GPM6B: variants seen among roughly 807,000 people sequenced by gnomAD.
The protein encoded by GPM6B is glycoprotein M6B, also known as neuronal membrane glycoprotein M6-b.
A neutral mutation model predicts 27.2 loss-of-function variants in GPM6B; 4 were observed. That is an observed-to-expected ratio of 0.15 (90% CI 0.07 to 0.34). GPM6B has a LOEUF of 0.34. Ranked by LOEUF, GPM6B falls within the 10% of genes least tolerant of loss-of-function variation. GPM6B has a pLI of 1.00. For missense variants in GPM6B, 183 were observed against 261.9 expected, an observed-to-expected ratio of 0.70 and a Z score of 2.08; for synonymous variants, 124 against 103.1, an observed-to-expected ratio of 1.20 and a Z score of -1.23.
chrX:13,914,999 G>C (rs2050414176), intron 1 of GPM6B, among the ~76,000 whole-genome samples: 1 of 111,392 alleles, frequency 9.0e-6, no homozygotes, highest in African/African-American at 3.3e-5. Flanking sequence ...TGGGCACGGT[G>C]GCTCATTCCG....
chrX:13,804,424 G>GA (rs1318534084), intron 2 of GPM6B, among the ~76,000 whole-genome samples: 1 of 80,660 alleles, frequency 1.2e-5, no homozygotes, highest in African/African-American at 4.7e-5. Flanking sequence ...CGGCGGGGGG[G>GA]GCGGGGGGCG....
At chrX:13,870,800 T>C (rs1443863996) in intron 1 of GPM6B, among the ~76,000 whole-genome samples, 1 of 112,018 alleles carries the variant, frequency 8.9e-6, no homozygotes, top group African/African-American at 3.2e-5. Flanking sequence ...AACAGCCCTT[T>C]GCAAAGACAG....
intron 1 of GPM6B, among the ~76,000 whole-genome samples, chrX:13,915,892 T>G (rs1488399475): frequency 8.9e-6 from 1 of 112,153 alleles, no homozygotes; most frequent in African/African-American, 3.2e-5. Flanking sequence ...CTGATTTCTG[T>G]GAAAATCAAG....
intron 1 of GPM6B, among the ~76,000 whole-genome samples, chrX:13,877,349 G>A (rs2050043952): frequency 8.9e-6 from 1 of 111,810 alleles, no homozygotes; most frequent in African/African-American, 3.3e-5. Flanking sequence ...AGTTTCCTTA[G>A]GACATCTGAT....
chrX:13,906,891 A>G (rs2050336329), intron 1 of GPM6B, among the ~76,000 whole-genome samples: 1 of 112,046 alleles, frequency 8.9e-6, no homozygotes, highest in African/African-American at 3.2e-5. Context: ...TGTGGTAGTT[A>G]TGGGGCAAAA....
At chrX:13,924,576 C>A (rs757636759) in intron 1 of GPM6B, among the ~76,000 whole-genome samples, 16 of 112,055 alleles carry the variant, frequency 1.4e-4, no homozygotes, top group Non-Finnish European at 2.8e-4. Flanking sequence ...GTGCTGGGAT[C>A]AGGAATGAGC....
intron 1 of GPM6B, among the ~76,000 whole-genome samples, chrX:13,877,446 G>A (rs980212006): frequency 9.0e-6 from 1 of 110,736 alleles, no homozygotes; most frequent in African/African-American, 3.3e-5. Context: ...TCATTTAAGT[G>A]AAGTATTAAG....
In GPM6B at chrX:13,771,156, TTACATAAAAAATATTAGAC is replaced by T. The variant is rs1444810927; in HGVS notation, c.*1706_*1724del. 8.9e-6 allele frequency: 1 copy of T among 112,184 alleles called. No individual in the cohort carries two copies. Among genetic ancestry groups the T allele is most frequent in the Non-Finnish European group, 1.9e-5 (1 of 53,081 alleles). 9.2% of individuals were successfully genotyped at this position (112,184 alleles called of 1,213,427 possible). ...TATACATAGCAAAATTTAATGCTCTTTACATAAAAAATATTAGACTACTTAAACAAAACTTTCAAAAATT... is the reference window on the plus strand; with the variant it reads ...TATACATAGCAAAATTTAATGCTCTTTACTTAAACAAAACTTTCAAAAATT... On this transcript the variant is annotated 3_prime_UTR_variant, in exon 8 of 8. Coordinates refer to ENST00000316715, the MANE Select transcript of GPM6B (RefSeq NM_001001995.3).
intron 1 of GPM6B, among the ~76,000 whole-genome samples, chrX:13,849,387 A>C (rs1278782010): frequency 3.5e-5 from 4 of 112,709 alleles, no homozygotes; most frequent in Non-Finnish European, 7.5e-5. Context: ...ATTTTGACAT[A>C]ATCACACACT....
At chrX:13,916,614 T>C (rs1340493252) in intron 1 of GPM6B, among the ~76,000 whole-genome samples, 1 of 110,250 alleles carries the variant, frequency 9.1e-6, no homozygotes, top group Non-Finnish European at 1.9e-5. Flanking sequence ...TAATGCAGCA[T>C]GTCTGCACTG....
intron 1 of GPM6B, among the ~76,000 whole-genome samples, chrX:13,906,027 A>C (rs2147051000): frequency 8.9e-6 from 1 of 112,662 alleles, no homozygotes; most frequent in South Asian, 3.7e-4. Flanking sequence ...CCAGCTTCAT[A>C]GACTTCATTT....
At chrX:13,867,485 T>C (rs1361096424) in intron 1 of GPM6B, among the ~76,000 whole-genome samples, 1 of 112,156 alleles carries the variant, frequency 8.9e-6, no homozygotes, top group African/African-American at 3.2e-5. Flanking sequence ...TTAGTGAGGC[T>C]GATTCACAAC....
At chrX:13,779,764 AT>A in intron 5 of GPM6B, 53 bp downstream of exon 5, 1 of 996,822 alleles carries the variant, frequency 1.0e-6, no homozygotes, top group Non-Finnish European at 1.4e-6. Context: ...GTCCAGACAT[AT>A]GCACGAGAGG....
intron 1 of GPM6B, among the ~76,000 whole-genome samples, chrX:13,899,138 T>C (rs2050258359): frequency 9.1e-6 from 1 of 110,497 alleles, no homozygotes; most frequent in Admixed American, 9.7e-5. Context: ...GGGCTGGGCA[T>C]GGTGGCTCAT....
chrX:13,863,986 G>C (rs2049880814), intron 1 of GPM6B, among the ~76,000 whole-genome samples: 1 of 111,999 alleles, frequency 8.9e-6, no homozygotes, highest in Non-Finnish European at 1.9e-5. Context: ...ATTATATTCA[G>C]AATTGAAAAC....
intron 1 of GPM6B, among the ~76,000 whole-genome samples, chrX:13,902,497 G>A (rs753980481): frequency 3.6e-5 from 4 of 110,988 alleles, no homozygotes; most frequent in East Asian, 2.8e-4. Context: ...TATTGCCAAC[G>A]AAGTCACTTA....
intron 1 of GPM6B, among the ~76,000 whole-genome samples, chrX:13,890,423 C>G (rs1446447930): frequency 8.9e-6 from 1 of 111,835 alleles, no homozygotes; most frequent in Non-Finnish European, 1.9e-5. Flanking sequence ...CTTGCTTTCA[C>G]TTTACTCTAT....
At chrX:13,907,177 C>T (rs1252121702) in intron 1 of GPM6B, among the ~76,000 whole-genome samples, 2 of 112,302 alleles carry the variant, frequency 1.8e-5, no homozygotes, top group Admixed American at 9.4e-5. Flanking sequence ...AAGACAGCAA[C>T]TGACATTGAT....
intron 1 of GPM6B, among the ~76,000 whole-genome samples, chrX:13,853,942 C>T (rs2049751108): frequency 8.9e-6 from 1 of 112,226 alleles, no homozygotes; most frequent in African/African-American, 3.2e-5. Context: ...CCACCAAGTT[C>T]CCGATGCCAG....
Sources: gnomAD v4.1 joint callset for allele counts (sites outside exome capture counted in the v4.1 genomes callset) on GRCh38, gnomAD v4.1.1 for gene constraint, MANE v1.5 for transcripts, NCBI Gene and HGNC (gene_info 2026-07-23, HGNC 2026-07-21) for gene names.